Variants in POLR2F observed in about 807,000 individuals in gnomAD.
The protein encoded by POLR2F is DNA-directed RNA polymerases I, II, and III subunit RPABC2.
In POLR2F, 12 loss-of-function variants were observed where a neutral mutation model predicts 22.7. The observed-to-expected ratio is 0.53, with a 90% confidence interval of 0.34 to 0.86. The LOEUF is 0.86. POLR2F is among the 40% of genes least tolerant of loss of function. The pLI, the probability that POLR2F is intolerant of heterozygous loss-of-function variation, is 0.02. For missense variants in POLR2F, 126 were observed against 171.5 expected, an observed-to-expected ratio of 0.73 and a Z score of 1.48; for synonymous variants, 57 against 66.0, an observed-to-expected ratio of 0.86 and a Z score of 0.66.
intron 1 of POLR2F, among the ~76,000 whole-genome samples, chr22:38,003,394 CTT>C (rs1211113876): frequency 6.6e-6 from 1 of 152,028 alleles, no homozygotes; most frequent in African/African-American, 2.4e-5. Flanking sequence ...ACCTGGCTAA[CTT>C]AGGTATTTTC....
Position 37,986,514 on chromosome 22 carries a change from C to A in POLR2F, c.120+202C>A. On this transcript the variant is annotated intron_variant, in intron 1 of 2. Transcript: ENST00000333418. The surrounding 1 kb of genome is among the most constrained non-coding windows in gnomAD (Gnocchi z 4.7). ...CTAACTCCCTGCTTCCTCCTTTGCC[C>A]TCCTTGGTCCAGCTGTGCCAGGATG... is the stretch of plus-strand genomic sequence containing the variant. 1 of 1,251,526 alleles carries A rather than the reference C, an allele frequency of 8.0e-7. No homozygotes were observed. Among genetic ancestry groups the A allele is most frequent in the Non-Finnish European group, 1.1e-6 (1 of 887,754 alleles). 77.5% of individuals were successfully genotyped at this position (1,251,526 alleles called of 1,614,324 possible).
At chr22:37,953,687 CA>C, upstream of POLR2F, 1 of 1,420,754 alleles carries the variant, frequency 7.0e-7, no homozygotes, top group African/African-American at 1.4e-5. Context: ...GGTTACGGCG[CA>C]GGCGCAAGAT....
At chr22:37,964,546 C>T (rs1367417359) in intron 3 of POLR2F, among the ~76,000 whole-genome samples, 4 of 151,112 alleles carry the variant, frequency 2.6e-5, no homozygotes, top group Non-Finnish European at 5.9e-5. Flanking sequence ...ATCCAAGTGT[C>T]CTGTTTTTCT....
chr22:38,012,266 G>T (rs1407966109), intron 1 of POLR2F, among the ~76,000 whole-genome samples: 2 of 152,014 alleles, frequency 1.3e-5, no homozygotes, highest in African/African-American at 4.8e-5. Context: ...ATTTTTAGTA[G>T]AGAGAGGGTT....
rs920403384 is a variant in POLR2F, at chr22:38,040,873, G to T, written c.453-195G>T. The T allele has an allele frequency of 6.6e-6, 5 of 763,320 alleles. No homozygotes were observed. In the South Asian group the frequency reaches 8.6e-5, roughly 13 times the overall value. 47.3% of individuals were successfully genotyped at this position (763,320 alleles called of 1,614,324 possible). On this transcript the variant is annotated intron_variant, in intron 5 of 5. Transcript: ENST00000407936. ...TCTGTAATGGCAGCTTTTATAAAACGTGTGGAGGATGTGCCAAGGGGAACA... is the reference window on the plus strand; with the variant it reads ...TCTGTAATGGCAGCTTTTATAAAACTTGTGGAGGATGTGCCAAGGGGAACA...
downstream of POLR2F, among the ~76,000 whole-genome samples, chr22:38,027,104 G>T (rs969471059): frequency 6.6e-6 from 1 of 152,162 alleles, no homozygotes; most frequent in Non-Finnish European, 1.5e-5. Flanking sequence ...GTGTCGTGGA[G>T]TGCGAGATGG....
rs55714643 is a variant in POLR2F, at chr22:38,007,973, C to A, written c.121-17896C>A. On this transcript the variant is annotated intron_variant, in intron 1 of 2. Coordinates refer to the POLR2F transcript ENST00000333418. The stretch of plus-strand genomic sequence containing the variant: ...ACAATAAACTCGCTGGGTGTGGTGG[C>A]TCACGCCTATAATCCTAGCACTTTG... Among the ~76,000 whole-genome samples, 1,490 of 152,202 alleles carry A rather than the reference C, an allele frequency of 9.8e-3. 27 individuals carry two copies. The highest frequency in any genetic ancestry group is 0.035 in the African/African-American group (1,444 of 41,518).
downstream of POLR2F, chr22:38,041,162 C>A (rs2085168841): frequency 1.2e-6 from 2 of 1,611,126 alleles, no homozygotes; most frequent in South Asian, 2.2e-5. Context: ...AGGCTGGTGA[C>A]TAGTGCTGGT....
At position 38,016,980 on chromosome 22, in the gene POLR2F, G is replaced by C. The variant is rs2084921260; in HGVS notation, c.121-8889G>C. On this transcript the variant is annotated intron_variant, in intron 1 of 2. Coordinates refer to the POLR2F transcript ENST00000333418. This position sits in a 1 kb window ranked among gnomAD's most constrained non-coding sequence, Gnocchi z 4.4. ...AGAGATGGAGCCAGGCCGGGGTGCC[G>C]GGGGGCAGCGCAAGGGGCCAGCCAG... Among the ~76,000 whole-genome samples the C allele has an allele frequency of 6.6e-6, 1 of 152,066 alleles. No homozygotes were observed. Among genetic ancestry groups the C allele is most frequent in the South Asian group, 2.1e-4 (1 of 4,832 alleles).
At chr22:38,023,819 C>T (rs574851425) in intron 1 of POLR2F, among the ~76,000 whole-genome samples, 5 of 150,422 alleles carry the variant, frequency 3.3e-5, no homozygotes, top group Admixed American at 6.7e-5. Context: ...ATTACAGGTG[C>T]GCACCACCAC....
At chr22:38,027,705 C>A (rs1158455585), downstream of POLR2F, among the ~76,000 whole-genome samples, 1 of 152,192 alleles carries the variant, frequency 6.6e-6, no homozygotes, top group Non-Finnish European at 1.5e-5. Flanking sequence ...CCCGCCTCCG[C>A]CACCCCAGGC....
chr22:38,032,631 C>T (rs905489174), intron 5 of POLR2F: 1 of 152,304 alleles, frequency 6.6e-6, no homozygotes, highest in African/African-American at 2.4e-5. Flanking sequence ...CCTGTCCACA[C>T]CCTGATTGGG....
At chr22:38,041,054 G>A (rs571533056) in intron 5 of POLR2F, 7 of 1,612,898 alleles carry the variant, frequency 4.3e-6, no homozygotes, top group Middle Eastern at 1.6e-4. Flanking sequence ...AGTTATCCCT[G>A]TGTTATTTTC....
At chr22:37,987,001 G>C (rs1372735548) in intron 1 of POLR2F, 4 of 454,248 alleles carry the variant, frequency 8.8e-6, no homozygotes, top group Non-Finnish European at 1.8e-5. Context: ...GGTGGCAGGG[G>C]TCCCTTTACC....
intron 1 of POLR2F, among the ~76,000 whole-genome samples, chr22:37,996,074 C>T (rs1337032851): frequency 6.6e-6 from 1 of 152,228 alleles, no homozygotes; most frequent in Middle Eastern, 3.4e-3. Context: ...TGGAGGTGGT[C>T]GTGACTCCTA....
chr22:38,041,310 TGGAA>T, downstream of POLR2F: 1 of 661,426 alleles, frequency 1.5e-6, no homozygotes, highest in Non-Finnish European at 2.6e-6. Context: ...GGTGACCAGG[TGGAA>T]GGTCATTCCA....
At chr22:37,990,837 A>G (rs916703113) in intron 1 of POLR2F, among the ~76,000 whole-genome samples, 1 of 152,246 alleles carries the variant, frequency 6.6e-6, no homozygotes, top group African/African-American at 2.4e-5. Flanking sequence ...TTGATAACCC[A>G]TGAATTGTAT....
chr22:38,018,756 A>G (rs1021174897), intron 1 of POLR2F, among the ~76,000 whole-genome samples: 2 of 152,180 alleles, frequency 1.3e-5, no homozygotes, highest in Non-Finnish European at 2.9e-5. Context: ...CAGCACCAGG[A>G]TGTGCTGGTA....
intron 5 of POLR2F, among the ~76,000 whole-genome samples, chr22:38,039,192 C>T (rs1033899595): frequency 9.2e-5 from 14 of 152,238 alleles, no homozygotes; most frequent in African/African-American, 3.4e-4. Flanking sequence ...CACCCGCTCC[C>T]ACCCGTGGGA....
Sources: allele counts gnomAD v4.1 joint callset (sites outside exome capture counted in the v4.1 genomes callset), GRCh38; gene constraint gnomAD v4.1.1; non-coding constraint Gnocchi (gnomAD v3.1); transcripts MANE v1.5; gene names NCBI Gene and HGNC (gene_info 2026-07-23, HGNC 2026-07-21).